The following NDUFS4 variants were observed in gnomAD, a reference collection of about 807,000 sequenced individuals.
NDUFS4 encodes the protein NADH dehydrogenase [ubiquinone] iron-sulfur protein 4, mitochondrial.
A neutral mutation model predicts 24.3 loss-of-function variants in NDUFS4; 28 were observed. That is an observed-to-expected ratio of 1.15 (90% CI 0.85 to 1.58). The LOEUF is 1.58. NDUFS4 is among the 40% of genes most tolerant of loss of function. NDUFS4 has a pLI of 0.00. For synonymous variants in NDUFS4, 93 were observed against 69.7 expected, an observed-to-expected ratio of 1.34 and a Z score of -1.67; for missense variants, 223 against 207.9, an observed-to-expected ratio of 1.07 and a Z score of -0.45.
chr5:53,621,402 A>G (rs1195499375), intron 2 of NDUFS4, among the ~76,000 whole-genome samples: 2 of 152,086 alleles, frequency 1.3e-5, no homozygotes, highest in African/African-American at 4.8e-5. Context: ...TGTTTAAAAA[A>G]TTATGTGCAA....
intron 1 of NDUFS4, among the ~76,000 whole-genome samples, chr5:53,570,904 G>C (rs374907024): frequency 6.6e-6 from 1 of 151,718 alleles, no homozygotes; most frequent in African/African-American, 2.4e-5. Flanking sequence ...GGCTAGTCTC[G>C]AACTCCTGAC....
chr5:53,602,812 A>G (rs1220365305), intron 1 of NDUFS4, among the ~76,000 whole-genome samples: 1 of 152,246 alleles, frequency 6.6e-6, no homozygotes, highest in Non-Finnish European at 1.5e-5. Flanking sequence ...CAAAGTGTAC[A>G]TGAAACGTCC....
intron 1 of NDUFS4, among the ~76,000 whole-genome samples, chr5:53,599,734 C>T (rs745752927): frequency 6.6e-6 from 1 of 152,056 alleles, no homozygotes; most frequent in Non-Finnish European, 1.5e-5. Flanking sequence ...CTGTCTTACA[C>T]TTCACTTACA....
chr5:53,571,213 G>C (rs1482901674), intron 1 of NDUFS4, among the ~76,000 whole-genome samples: 1 of 152,028 alleles, frequency 6.6e-6, no homozygotes, highest in African/African-American at 2.4e-5. Flanking sequence ...TTCTCCCCCA[G>C]TCCTAGATAA....
intron 2 of NDUFS4, among the ~76,000 whole-genome samples, chr5:53,608,663 A>C (rs1245983615): frequency 6.6e-6 from 1 of 152,160 alleles, no homozygotes; most frequent in Non-Finnish European, 1.5e-5. Flanking sequence ...GATTGTAGCA[A>C]TTTAATCACT....
At chr5:53,678,919 G>A (rs1296421700) in intron 4 of NDUFS4, among the ~76,000 whole-genome samples, 1 of 151,926 alleles carries the variant, frequency 6.6e-6, no homozygotes, top group South Asian at 2.1e-4. Flanking sequence ...CTTTACATTC[G>A]AGTATAGTGG....
intron 3 of NDUFS4, among the ~76,000 whole-genome samples, chr5:53,655,847 A>G (rs1197202950): frequency 6.6e-6 from 1 of 152,150 alleles, no homozygotes; most frequent in African/African-American, 2.4e-5. Flanking sequence ...GCCTTTCTGA[A>G]GTTTTGATGG....
chr5:53,639,314 T>C (rs1751642106), intron 2 of NDUFS4, among the ~76,000 whole-genome samples: 1 of 151,930 alleles, frequency 6.6e-6, no homozygotes, highest in South Asian at 2.1e-4. Flanking sequence ...AGAAACATGC[T>C]TCCTTATAGT....
At chr5:53,655,122 C>T (rs1382857879) in intron 3 of NDUFS4, among the ~76,000 whole-genome samples, 2 of 152,024 alleles carry the variant, frequency 1.3e-5, no homozygotes, top group South Asian at 2.1e-4. Flanking sequence ...TATTATTTTG[C>T]CAGGCTTAAT....
At chr5:53,658,097 G>A (rs1752216935) in intron 3 of NDUFS4, among the ~76,000 whole-genome samples, 1 of 152,070 alleles carries the variant, frequency 6.6e-6, no homozygotes, top group Non-Finnish European at 1.5e-5. Context: ...ATGATGGAAG[G>A]TTTGTCAGGA....
intron 1 of NDUFS4, among the ~76,000 whole-genome samples, chr5:53,566,939 C>T (rs969736839): frequency 2.0e-5 from 3 of 150,696 alleles, no homozygotes; most frequent in African/African-American, 7.4e-5. Flanking sequence ...AACTCTGCCT[C>T]CCAGGTTCAA....
intron 3 of NDUFS4, among the ~76,000 whole-genome samples, chr5:53,655,675 C>T (rs981978747): frequency 3.9e-5 from 6 of 152,104 alleles, no homozygotes; most frequent in African/African-American, 9.7e-5. Flanking sequence ...TTATGTTTCT[C>T]AAGTTAATGA....
chr5:53,671,879 AC>A (rs1301662369), intron 4 of NDUFS4, among the ~76,000 whole-genome samples: 9 of 151,778 alleles, frequency 5.9e-5, no homozygotes, highest in African/African-American at 1.9e-4. Flanking sequence ...ATGTCATTTT[AC>A]CCCCTGTGTT....
rs34241409 is a variant in NDUFS4 at position 53,603,351 on chromosome 5, T to TTTA, written c.99-101_99-100insTTA. ...CTTTCCTTTCCTTTTTTTTTTTTTT[T>TTTA]AATAAGACAGATATTGTTAAAGTAG... On this transcript the variant is annotated intron_variant, in intron 1 of 4. Coordinates refer to ENST00000296684, the MANE Select transcript of NDUFS4 (RefSeq NM_002495.4). The TTTA allele has an allele frequency of 1.8e-4, 140 of 789,092 alleles. 1 individual carries two copies. The African/African-American group carries it at 2.1e-3, about 12-fold the overall frequency. 48.9% of individuals were successfully genotyped at this position (789,092 alleles called of 1,614,324 possible).
At chr5:53,644,337 A>AT (rs1333938099) in intron 2 of NDUFS4, among the ~76,000 whole-genome samples, 1 of 152,180 alleles carries the variant, frequency 6.6e-6, no homozygotes, top group Non-Finnish European at 1.5e-5. Context: ...TTTGGAAAAG[A>AT]TGCCCCACCC....
At chr5:53,618,886 G>A (rs181081561) in intron 2 of NDUFS4, among the ~76,000 whole-genome samples, 142 of 151,940 alleles carry the variant, frequency 9.3e-4, no homozygotes, top group African/African-American at 3.2e-3. Flanking sequence ...GGCTGAGGTG[G>A]GTGGATTGCC....
At chr5:53,656,235 ACT>A (rs1171045982) in intron 3 of NDUFS4, among the ~76,000 whole-genome samples, 2 of 147,898 alleles carry the variant, frequency 1.4e-5, no homozygotes, top group Non-Finnish European at 3.0e-5. Context: ...TCTATTAGTC[ACT>A]CTCTGGTCTC....
chr5:53,646,296 G>C lies in NDUFS4; in HGVS notation c.241G>C (p.Val81Leu). 1 of 1,613,444 alleles carries C rather than the reference G, an allele frequency of 6.2e-7. No homozygotes were observed. The highest frequency in any genetic ancestry group is 8.5e-7 in the Non-Finnish European group (1 of 1,179,550). The change falls in exon 3 of 5, where the codon GTT becomes CTT. Residue 81 changes from valine to leucine, a missense_variant. Val to Leu is a conservative substitution (Grantham distance 32). Coordinates refer to ENST00000296684, the MANE Select transcript of NDUFS4 (RefSeq NM_002495.4). ...AAAAACTAGAAAAGTCAGGATCTTT[G>C]TTCCTGCTCGCAATAACATGCAGTC... is the stretch of plus-strand genomic sequence containing the variant. ...HIKTRKVRIF[V>L]PARNNMQSGV...
intron 1 of NDUFS4, among the ~76,000 whole-genome samples, chr5:53,569,925 C>T (rs1001713691): frequency 2.8e-4 from 43 of 152,084 alleles, no homozygotes; most frequent in African/African-American, 9.9e-4. Context: ...ATGATAGTTT[C>T]ATGAGCTGAG....
Sources: allele counts gnomAD v4.1 joint callset (sites outside exome capture counted in the v4.1 genomes callset), GRCh38; gene constraint gnomAD v4.1.1; transcripts MANE v1.5; gene names NCBI Gene and HGNC (gene_info 2026-07-23, HGNC 2026-07-21).